RSPH6A: variants seen among roughly 807,000 people sequenced by gnomAD.
RSPH6A encodes radial spoke head protein 6 homolog A.
In RSPH6A, 49 loss-of-function variants were observed where a neutral mutation model predicts 66.1. That is an observed-to-expected ratio of 0.74 (90% CI 0.59 to 0.94). RSPH6A has a LOEUF of 0.94. Among genes scored for constraint, RSPH6A ranks in the 40% least tolerant of loss-of-function variants. RSPH6A has a pLI of 0.00. For synonymous variants in RSPH6A, 419 were observed against 402.4 expected, an observed-to-expected ratio of 1.04 and a Z score of -0.49; for missense variants, 977 against 948.3, an observed-to-expected ratio of 1.03 and a Z score of -0.40.
intron 1 of RSPH6A, among the ~76,000 whole-genome samples, chr19:45,811,562 C>G (rs1314985522): frequency 6.6e-6 from 1 of 151,604 alleles, no homozygotes; most frequent in African/African-American, 2.4e-5. Context: ...CTCAGCCTCC[C>G]AAGTAGCTGG....
chr19:45,804,179 T>C lies in RSPH6A; in HGVS notation c.1653+73A>G, dbSNP rs1030883463. Reference sequence around the variant, plus strand: ...TGCCCAGCAGAGAGTAAGAGCTTGATGTCAGTATTGCAGGGTCATGCGTGA... The same window carrying C: ...TGCCCAGCAGAGAGTAAGAGCTTGACGTCAGTATTGCAGGGTCATGCGTGA... On this transcript the variant is annotated intron_variant, in intron 3 of 5. Transcript: ENST00000221538. This position sits in a 1 kb window ranked among gnomAD's most constrained non-coding sequence, Gnocchi z 5.8. The C allele has an allele frequency of 1.0e-4, 118 of 1,172,358 alleles. No individual in the cohort carries two copies. The African/African-American group carries it at 1.5e-3, about 15-fold the overall frequency. The allele number at this position is 1,172,358 out of a possible 1,614,324, so 72.6% of individuals were successfully genotyped here. A position where few individuals can be genotyped will look rare whatever the true frequency, so the allele number is the denominator to read the frequency against.
At chr19:45,796,842 T>C (rs1970414003) in intron 5 of RSPH6A, among the ~76,000 whole-genome samples, 1 of 148,162 alleles carries the variant, frequency 6.7e-6, no homozygotes, top group Non-Finnish European at 1.5e-5. Flanking sequence ...AGAGAGGGGG[T>C]TTCATCATGT....
chr19:45,810,549 A>G (rs1438649925), intron 2 of RSPH6A, 54 bp downstream of exon 2: 6 of 1,530,376 alleles, frequency 3.9e-6, no homozygotes, highest in Non-Finnish European at 5.4e-6. Context: ...TGCCCTAAGT[A>G]TGCTTGGGCC....
intron 2 of RSPH6A, among the ~76,000 whole-genome samples, chr19:45,809,117 T>C (rs1168985267): frequency 2.1e-5 from 3 of 145,872 alleles, no homozygotes; most frequent in Non-Finnish European, 4.5e-5. Context: ...TTCTCCTGCC[T>C]CAGCCTCCCC....
In RSPH6A at chr19:45,804,974, A is replaced by T; in HGVS notation, c.931T>A (p.Phe311Ile). Residue 311 changes from phenylalanine to isoleucine, a missense_variant, in exon 3 of 6, where the codon TTC (phenylalanine) becomes ATC (isoleucine). Phe to Ile is a conservative substitution (Grantham distance 21, BLOSUM62 0). Transcript: ENST00000221538. The surrounding 1 kb of genome is among the most constrained non-coding windows in gnomAD (Gnocchi z 5.8). ...VPNIMETAFY[F>I]EQAGVGLSSD... ...CTCAGGCCGACGCCGGCCTGCTCGAAGTAGAAGGCAGTCTCCATGATGTTG... is the reference window on the plus strand; with the variant it reads ...CTCAGGCCGACGCCGGCCTGCTCGATGTAGAAGGCAGTCTCCATGATGTTG... The T allele has an allele frequency of 6.2e-7, 1 of 1,613,414 alleles. No homozygotes were observed. The highest frequency in any genetic ancestry group is 8.5e-7 in the Non-Finnish European group (1 of 1,180,008).
chr19:45,814,404 G>T, intron 1 of RSPH6A, 123 bp downstream of exon 1: 2 of 869,324 alleles, frequency 2.3e-6, no homozygotes, highest in Non-Finnish European at 3.3e-6. Flanking sequence ...CGACTCAGCT[G>T]AATTAGAGTC....
chr19:45,806,574 G>A (rs994207704), intron 2 of RSPH6A, among the ~76,000 whole-genome samples: 1 of 149,316 alleles, frequency 6.7e-6, no homozygotes, highest in African/African-American at 2.5e-5. Context: ...GGAAGGCTGA[G>A]GCAGGAGAAT....
In RSPH6A at chr19:45,802,232, C is replaced by A. The variant is rs1428946215; in HGVS notation, c.1686G>T (p.Lys562Asn). Residue 562 changes from lysine to asparagine, a missense_variant, in exon 4 of 6, where the codon AAG becomes AAT. Physicochemically the swap from Lys to Asn is moderately conservative, Grantham distance 94. Coordinates refer to ENST00000221538, the MANE Select transcript of RSPH6A (RefSeq NM_030785.4). ...GRCTWVNPLQKTEEEEDLGEE... is the reference protein window; with the variant it reads ...GRCTWVNPLQNTEEEEDLGEE... ...CCCCCAGGTCCTCCTCCTCCTCTGTCTTCTGCAAAGGGTTCACCCAAGTGC... is the reference window on the plus strand; with the variant it reads ...CCCCCAGGTCCTCCTCCTCCTCTGTATTCTGCAAAGGGTTCACCCAAGTGC... 1 of 1,533,844 alleles carries A rather than the reference C, an allele frequency of 6.5e-7. No individual in the cohort carries two copies. Among genetic ancestry groups the A allele is most frequent in the Non-Finnish European group, 8.8e-7 (1 of 1,134,908 alleles).
In RSPH6A at chr19:45,804,453, C is replaced by G; in HGVS notation, c.1452G>C (p.Gln484His). 6.2e-7 allele frequency: 1 copy of G among 1,614,094 alleles called. No individual in the cohort carries two copies. The highest frequency in any genetic ancestry group is 8.5e-7 in the Non-Finnish European group (1 of 1,179,994). ...PGNEANYLRA[Q>H]IARISAATQV... ...GCGTGGCGGCCGAGATGCGGGCTATCTGGGCCCGCAGGTAGTTGGCCTCGT... is the reference window on the plus strand; with the variant it reads ...GCGTGGCGGCCGAGATGCGGGCTATGTGGGCCCGCAGGTAGTTGGCCTCGT... Residue 484 changes from glutamine (Q) to histidine (H), a missense_variant, in exon 3 of 6, where the codon CAG becomes CAC. Coordinates refer to ENST00000221538, the MANE Select transcript of RSPH6A (RefSeq NM_030785.4). This position sits in a 1 kb window ranked among gnomAD's most constrained non-coding sequence, Gnocchi z 5.8.
chr19:45,814,405 A>G, intron 1 of RSPH6A, 122 bp downstream of exon 1: 1 of 871,618 alleles, frequency 1.1e-6, no homozygotes, highest in South Asian at 2.6e-5. Context: ...GACTCAGCTG[A>G]ATTAGAGTCA....
rs1474077764 is a variant in RSPH6A at position 45,815,187 on chromosome 19, G to A, written c.-11C>T. 2 of 1,586,418 alleles carry A rather than the reference G, an allele frequency of 1.3e-6. No homozygotes were observed. The highest frequency in any genetic ancestry group is 1.7e-6 in the Non-Finnish European group (2 of 1,170,930). On this transcript the variant is annotated 5_prime_UTR_variant, in exon 1 of 6. Coordinates refer to ENST00000221538, the MANE Select transcript of RSPH6A (RefSeq NM_030785.4). Reference sequence around the variant, plus strand: ...CGGCAGGTCTCCCATGGTTCGCCAGGAGGCACAGATCTCTAGGAGAAAGGC... The same window carrying A: ...CGGCAGGTCTCCCATGGTTCGCCAGAAGGCACAGATCTCTAGGAGAAAGGC...
chr19:45,796,977 G>T lies in RSPH6A; in HGVS notation c.1917-871C>A, dbSNP rs539450043. ...CCAGCTACTGGGGAGGCTGAGGGGG[G>T]AGGATTGCCGGAGCCCAGGAGTTTG... On this transcript the variant is annotated intron_variant, in intron 5 of 5. Transcript: ENST00000221538. Among the ~76,000 whole-genome samples the T allele has an allele frequency of 3.9e-5, 6 of 152,290 alleles. No homozygotes were observed. In the South Asian group the frequency reaches 1.2e-3, roughly 32 times the overall value.
At chr19:45,813,690 T>G (rs1970659908) in intron 1 of RSPH6A, among the ~76,000 whole-genome samples, 2 of 152,220 alleles carry the variant, frequency 1.3e-5, no homozygotes, top group Admixed American at 6.5e-5. Flanking sequence ...TAGCCTCCCT[T>G]ATTTTTCACC....
chr19:45,796,855 G>A (rs1419254766), intron 5 of RSPH6A, among the ~76,000 whole-genome samples: 3 of 151,986 alleles, frequency 2.0e-5, no homozygotes, highest in Non-Finnish European at 4.4e-5. Flanking sequence ...CATCATGTTG[G>A]CCAGGCTGGT....
At position 45,800,481 on chromosome 19, in the gene RSPH6A, G is replaced by A; in HGVS notation, c.1881C>T (p.Asn627=). 1 of 1,613,484 alleles carries A rather than the reference G, an allele frequency of 6.2e-7. No homozygotes were observed. Among genetic ancestry groups the A allele is most frequent in the Non-Finnish European group, 8.5e-7 (1 of 1,179,932 alleles). The change falls in exon 5 of 6, where the codon AAC becomes AAT. Residue 627 remains asparagine, a synonymous_variant. Coordinates refer to ENST00000221538, the MANE Select transcript of RSPH6A (RefSeq NM_030785.4). ...PQYSVAVVRS[N]LWPGAYAYAS... ...CATAGGCATAGGCCCCGGGCCAGAGGTTGGAGCGCACAACGGCCACTGAGT... is the reference window on the plus strand; with the variant it reads ...CATAGGCATAGGCCCCGGGCCAGAGATTGGAGCGCACAACGGCCACTGAGT...
At position 45,798,722 on chromosome 19, in the gene RSPH6A, C is replaced by A. The variant is rs181093867; in HGVS notation, c.1916+1724G>T. Among the ~76,000 whole-genome samples, 583 of 151,312 alleles carry A rather than the reference C, an allele frequency of 3.9e-3. 4 individuals are homozygous for A. Among genetic ancestry groups the A allele is most frequent in the African/African-American group, 0.01 (429 of 41,132 alleles). ...GGCATGGTGGCGAGCACCTGTAGTCCCAGCTACTTGGGAAGCTGAGGCAGG... is the reference window on the plus strand; with the variant it reads ...GGCATGGTGGCGAGCACCTGTAGTCACAGCTACTTGGGAAGCTGAGGCAGG... On this transcript the variant is annotated intron_variant, in intron 5 of 5. Transcript: ENST00000221538.
chr19:45,796,128 G>C, intron 5 of RSPH6A, 22 bp from the exon 6 acceptor site: 1 of 1,432,810 alleles, frequency 7.0e-7, no homozygotes, highest in Non-Finnish European at 9.4e-7. Context: ...GTGAGACACT[G>C]TGAAATTCTC....
chr19:45,810,646 C>T lies in RSPH6A; in HGVS notation c.845G>A (p.Ser282Asn). 6.2e-7 allele frequency: 1 copy of T among 1,614,158 alleles called. No homozygotes were observed. Among genetic ancestry groups the T allele is most frequent in the Non-Finnish European group, 8.5e-7 (1 of 1,180,034 alleles). ...AEKQKALFTR[S>N]GGGTEGEQEM... Reference sequence around the variant, plus strand: ...CTGTTCGCCTTCAGTGCCGCCTCCACTCCGGGTGAACAGCGCCTTCTGTTT... The same window carrying T: ...CTGTTCGCCTTCAGTGCCGCCTCCATTCCGGGTGAACAGCGCCTTCTGTTT... The change falls in exon 2 of 6, where the codon AGT (serine) becomes AAT (asparagine). Residue 282 changes from serine to asparagine, a missense_variant. Physicochemically the swap from Ser to Asn is conservative, Grantham distance 46. Coordinates refer to ENST00000221538, the MANE Select transcript of RSPH6A (RefSeq NM_030785.4).
At chr19:45,800,344 G>C in intron 5 of RSPH6A, 102 bp downstream of exon 5, 1 of 980,606 alleles carries the variant, frequency 1.0e-6, no homozygotes, top group East Asian at 2.4e-5. Context: ...CCTGAAGGGG[G>C]CCCTCCCCAT....
Sources: gnomAD v4.1 joint callset for allele counts (sites outside exome capture counted in the v4.1 genomes callset) on GRCh38, gnomAD v4.1.1 for gene constraint, Gnocchi (gnomAD v3.1) non-coding constraint, MANE v1.5 for transcripts, NCBI Gene and HGNC (gene_info 2026-07-23, HGNC 2026-07-21) for gene names.